Variants in MAGI3 observed in about 807,000 individuals in gnomAD.
The protein encoded by MAGI3 is membrane associated guanylate kinase, WW and PDZ domain containing 3.
A neutral mutation model predicts 121.8 loss-of-function variants in MAGI3; 43 were observed. The observed-to-expected ratio is 0.35, with a 90% CI of 0.28 to 0.46. MAGI3 has a LOEUF of 0.46. Ranked by LOEUF, MAGI3 falls within the 20% of genes least tolerant of loss-of-function variation. The pLI is 1.00. For missense variants in MAGI3, 1,547 were observed against 1,797.3 expected (o/e 0.86, Z 2.52); for synonymous variants, 553 against 639.3 (o/e 0.86, Z 2.04).
intron 5 of MAGI3, among the ~76,000 whole-genome samples, chr1:113,592,873 A>T (rs1241908933): frequency 6.6e-6 from 1 of 152,080 alleles, no homozygotes; most frequent in East Asian, 1.9e-4. Flanking sequence ...TTAGCTGGGC[A>T]CGGTGGCGGG....
intron 16 of MAGI3, among the ~76,000 whole-genome samples, chr1:113,667,236 ATCT>A (rs1185579327): frequency 6.6e-6 from 1 of 152,196 alleles, no homozygotes; most frequent in South Asian, 2.1e-4. Context: ...CCTAGATGGC[ATCT>A]TCTTCTAATA....
intron 1 of MAGI3, among the ~76,000 whole-genome samples, chr1:113,486,348 A>C (rs998912076): frequency 6.6e-6 from 1 of 152,020 alleles, no homozygotes. Context: ...TGAGCATGGG[A>C]TGTGTTTCCA....
At chr1:113,525,198 A>G (rs574835461) in intron 1 of MAGI3, among the ~76,000 whole-genome samples, 1 of 152,210 alleles carries the variant, frequency 6.6e-6, no homozygotes, top group Non-Finnish European at 1.5e-5. Flanking sequence ...ACTAATACAC[A>G]GGCTGTGTTC....
At chr1:113,520,474 T>G (rs1294749114) in intron 1 of MAGI3, among the ~76,000 whole-genome samples, 1 of 152,228 alleles carries the variant, frequency 6.6e-6, no homozygotes, top group Admixed American at 6.5e-5. Flanking sequence ...AAATTGTATT[T>G]TTTAAGAGAT....
intron 1 of MAGI3, among the ~76,000 whole-genome samples, chr1:113,528,489 CTG>C (rs1484751930): frequency 6.6e-6 from 1 of 152,140 alleles, no homozygotes; most frequent in East Asian, 1.9e-4. Context: ...ATAGATGACA[CTG>C]TAAACTTCAT....
chr1:113,647,978 A>C (rs908890874), intron 12 of MAGI3, among the ~76,000 whole-genome samples: 1 of 150,504 alleles, frequency 6.6e-6, no homozygotes, highest in Non-Finnish European at 1.5e-5. Context: ...GCTGGAGTGC[A>C]GTGGCACAAT....
intron 1 of MAGI3, among the ~76,000 whole-genome samples, chr1:113,520,902 T>C (rs1052955907): frequency 4.6e-5 from 7 of 151,480 alleles, no homozygotes; most frequent in African/African-American, 1.7e-4. Flanking sequence ...GCACCTGGCA[T>C]AGTGTCCTGT....
chr1:113,483,235 G>A (rs927885308), intron 1 of MAGI3, among the ~76,000 whole-genome samples: 2 of 152,160 alleles, frequency 1.3e-5, no homozygotes, highest in Non-Finnish European at 2.9e-5. Context: ...GGATCTATCC[G>A]TAGTAACTGA....
intron 1 of MAGI3, among the ~76,000 whole-genome samples, chr1:113,433,332 T>A (rs1453606173): frequency 6.6e-6 from 1 of 152,232 alleles, no homozygotes; most frequent in Non-Finnish European, 1.5e-5. Flanking sequence ...ATTTTTTATT[T>A]CTAGGAGATT....
At chr1:113,682,129 G>A in intron 20 of MAGI3, 1 of 1,427,444 alleles carries the variant, frequency 7.0e-7, no homozygotes, top group Non-Finnish European at 9.4e-7. Flanking sequence ...TAAATCATAT[G>A]TTCCCAGTGA....
chr1:113,425,269 T>A (rs1425075571), intron 1 of MAGI3, among the ~76,000 whole-genome samples: 12 of 148,294 alleles, frequency 8.1e-5, no homozygotes, highest in African/African-American at 3.0e-4. Context: ...AAATTACAAA[T>A]TCAATTTTTT....
chr1:113,615,363 G>T (rs974034474), intron 7 of MAGI3, among the ~76,000 whole-genome samples: 1 of 152,168 alleles, frequency 6.6e-6, no homozygotes, highest in African/African-American at 2.4e-5. Context: ...GCGTCTAGCA[G>T]CAGGCAAATA....
intron 6 of MAGI3, among the ~76,000 whole-genome samples, chr1:113,598,222 AC>A (rs142358447): frequency 8.7e-6 from 1 of 115,000 alleles, no homozygotes; most frequent in Non-Finnish European, 1.8e-5. Context: ...CCATCCCCCC[AC>A]CCCCCCTCCA....
chr1:113,475,352 C>G (rs1298786889), intron 1 of MAGI3, among the ~76,000 whole-genome samples: 1 of 152,132 alleles, frequency 6.6e-6, no homozygotes, highest in African/African-American at 2.4e-5. Flanking sequence ...TTTCCCCATT[C>G]AGTATGATAT....
chr1:113,456,345 T>C (rs575154163), intron 1 of MAGI3, among the ~76,000 whole-genome samples: 1 of 152,254 alleles, frequency 6.6e-6, no homozygotes, highest in East Asian at 1.9e-4. Flanking sequence ...ACCTAAGTTG[T>C]TTCACAGACA....
intron 1 of MAGI3, among the ~76,000 whole-genome samples, chr1:113,417,889 A>G (rs1330886110): frequency 6.6e-6 from 1 of 152,166 alleles, no homozygotes; most frequent in Non-Finnish European, 1.5e-5. Flanking sequence ...AGACTCAAAT[A>G]CTTTAGAATA....
At chr1:113,514,976 T>TG (rs1186871938) in intron 1 of MAGI3, among the ~76,000 whole-genome samples, 1 of 152,112 alleles carries the variant, frequency 6.6e-6, no homozygotes, top group Non-Finnish European at 1.5e-5. Context: ...GTGCCCTTAT[T>TG]GCCCTTACCT....
intron 1 of MAGI3, among the ~76,000 whole-genome samples, chr1:113,541,738 G>T (rs185632247): frequency 2.5e-4 from 38 of 152,280 alleles, no homozygotes; most frequent in African/African-American, 8.7e-4. Flanking sequence ...TTAGCTTATG[G>T]GAATTGCAAA....
intron 1 of MAGI3, among the ~76,000 whole-genome samples, chr1:113,446,257 CT>C (rs1283701178): frequency 2.0e-5 from 3 of 152,078 alleles, no homozygotes; most frequent in African/African-American, 4.8e-5. Context: ...GGAAATGGAG[CT>C]GTTATGGGAG....
Sources: allele counts gnomAD v4.1 joint callset (sites outside exome capture counted in the v4.1 genomes callset), GRCh38; gene constraint gnomAD v4.1.1; transcripts MANE v1.5; gene names NCBI Gene and HGNC (gene_info 2026-07-23, HGNC 2026-07-21).